ANKRD7: variants seen among roughly 807,000 people sequenced by gnomAD.
The protein encoded by ANKRD7 is ankyrin repeat domain 7.
A neutral mutation model predicts 30.8 loss-of-function variants in ANKRD7; 30 were observed. The observed-to-expected ratio is 0.97, with a 90% CI of 0.73 to 1.32. The LOEUF is 1.32. Ranked by LOEUF, ANKRD7 falls within the 40% of genes most tolerant of loss-of-function variation. The pLI is 0.00. For missense variants in ANKRD7, 264 were observed against 295.7 expected, an observed-to-expected ratio of 0.89 and a Z score of 0.79; for synonymous variants, 97 against 106.6, an observed-to-expected ratio of 0.91 and a Z score of 0.55.
chr7:118,237,090 A>T (rs922528804), intron 5 of ANKRD7, among the ~76,000 whole-genome samples, 164 bp downstream of exon 5: 2 of 152,198 alleles, frequency 1.3e-5, no homozygotes, highest in African/African-American at 4.8e-5. Context: ...TTCAATCAAT[A>T]TAAGGGCTAC....
At chr7:118,235,364 G>A (rs893788739) in intron 3 of ANKRD7, among the ~76,000 whole-genome samples, 4 of 152,114 alleles carry the variant, frequency 2.6e-5, no homozygotes, top group East Asian at 1.9e-4. Context: ...TGTAATCCCA[G>A]CACTTTGGGA....
intron 6 of ANKRD7, among the ~76,000 whole-genome samples, chr7:118,241,519 ACCTTTTTTTTTTTTT>A (rs1809843303): frequency 1.3e-5 from 1 of 76,902 alleles, no homozygotes; most frequent in Non-Finnish European, 2.9e-5. Context: ...TCTCTGAATT[ACCTTTTTTTTTTTTT>A]TTTTTTTTTT....
intron 3 of ANKRD7, among the ~76,000 whole-genome samples, chr7:118,235,636 G>T (rs200369391): frequency 1.4e-5 from 2 of 145,488 alleles, no homozygotes; most frequent in Non-Finnish European, 3.0e-5. Context: ...AAAAAAAAGC[G>T]TATTGATACT....
intron 4 of ANKRD7, 49 bp downstream of exon 4, chr7:118,236,196 T>TTGTGTGTGTGAG: frequency 3.0e-6 from 3 of 993,518 alleles, no homozygotes; most frequent in East Asian, 2.8e-5. Context: ...CCTGATAGGA[T>TTGTGTGTGTGAG]TGTGTGTGTG....
chr7:118,242,294 A>T (rs1223600730), intron 6 of ANKRD7, 55 bp from the exon 7 acceptor site: 1 of 152,230 alleles, frequency 6.6e-6, no homozygotes, highest in Non-Finnish European at 1.5e-5. Flanking sequence ...ATACATGTAG[A>T]AATGGAAATA....
chr7:118,235,014 T>A, intron 3 of ANKRD7, 140 bp downstream of exon 3: 1 of 674,934 alleles, frequency 1.5e-6, no homozygotes, highest in Non-Finnish European at 2.3e-6. Context: ...AGAGAAGAGA[T>A]TATCAAAAAC....
chr7:118,230,612 A>G (rs1584722583), intron 1 of ANKRD7, among the ~76,000 whole-genome samples: 1 of 151,456 alleles, frequency 6.6e-6, no homozygotes, highest in Non-Finnish European at 1.5e-5. Flanking sequence ...AAAAATCTCA[A>G]ATTGTATATT....
At chr7:118,228,305 C>T (rs1394310211) in intron 1 of ANKRD7, among the ~76,000 whole-genome samples, 2 of 152,112 alleles carry the variant, frequency 1.3e-5, no homozygotes, top group African/African-American at 4.8e-5. Context: ...TGCCTTCCAA[C>T]TTTTAATCTC....
intron 3 of ANKRD7, among the ~76,000 whole-genome samples, chr7:118,235,341 G>A (rs1468968303): frequency 2.0e-5 from 3 of 152,118 alleles, no homozygotes; most frequent in Admixed American, 1.3e-4. Flanking sequence ...AGCCGGGCAT[G>A]GTGGCTCACG....
intron 1 of ANKRD7, among the ~76,000 whole-genome samples, chr7:118,226,527 A>G (rs1385823923): frequency 6.6e-6 from 1 of 152,210 alleles, no homozygotes; most frequent in Non-Finnish European, 1.5e-5. Flanking sequence ...AAGTTAGCAA[A>G]AGAAAAAAAT....
At position 118,234,864 on chromosome 7, in the gene ANKRD7, C is replaced by G. The variant is rs765676040; in HGVS notation, c.458C>G (p.Ala153Gly). The G allele has an allele frequency of 1.3e-6, 2 of 1,588,512 alleles. No homozygotes were observed. The highest frequency in any genetic ancestry group is 1.4e-5 in the African/African-American group (1 of 73,080). ...KLLEYEADLE[A>G]KNKDGYTPLL... is the part of the protein sequence containing the mutation. ...CTTGAATACGAAGCTGATCTTGAAG[C>G]GAAAAATAAGGTAGTTTTCTATTAA... The change falls in exon 3 of 7, where the codon GCG becomes GGG. Residue 153 changes from alanine (A) to glycine (G), a missense_variant. Physicochemically the swap from Ala to Gly is moderately conservative, Grantham distance 60. Transcript: ENST00000265224.
At chr7:118,238,328 G>C (rs909246781) in intron 5 of ANKRD7, among the ~76,000 whole-genome samples, 1 of 151,714 alleles carries the variant, frequency 6.6e-6, no homozygotes, top group African/African-American at 2.4e-5. Context: ...AAAGAGGTGA[G>C]AGGGAAGAAA....
chr7:118,239,900 C>T lies in ANKRD7; in HGVS notation c.713-9C>T. The T allele has an allele frequency of 6.4e-7, 1 of 1,572,556 alleles. No homozygotes were observed. Among genetic ancestry groups the T allele is most frequent in the Non-Finnish European group, 8.7e-7 (1 of 1,149,844 alleles). On this transcript the variant is annotated splice_polypyrimidine_tract_variant and intron_variant, in intron 5 of 6. Transcript: ENST00000265224. ...GCATGCTGGCATTCACACGTAATTT[C>T]CTTTATAGATAGATACCCACAATTC...
At chr7:118,228,919 G>A (rs900096722) in intron 1 of ANKRD7, among the ~76,000 whole-genome samples, 3 of 152,146 alleles carry the variant, frequency 2.0e-5, no homozygotes, top group African/African-American at 7.2e-5. Context: ...CCTGTGTAAT[G>A]TATGTCAAAT....
intron 5 of ANKRD7, among the ~76,000 whole-genome samples, chr7:118,239,043 C>T (rs763966575): frequency 6.6e-6 from 1 of 152,112 alleles, no homozygotes; most frequent in African/African-American, 2.4e-5. Flanking sequence ...CACAGGGGTG[C>T]TCATGCTCAG....
At chr7:118,230,171 C>A (rs1392457632) in intron 1 of ANKRD7, among the ~76,000 whole-genome samples, 1 of 151,904 alleles carries the variant, frequency 6.6e-6, no homozygotes, top group Non-Finnish European at 1.5e-5. Context: ...TACTGGAAAT[C>A]CTAGCCAGAA....
intron 6 of ANKRD7, among the ~76,000 whole-genome samples, chr7:118,241,192 T>C (rs919473897): frequency 4.2e-5 from 6 of 142,786 alleles, no homozygotes; most frequent in South Asian, 2.2e-4. Flanking sequence ...AAAAAGAATA[T>C]ATAGTTATTT....
At chr7:118,228,819 AC>A in intron 1 of ANKRD7, among the ~76,000 whole-genome samples, 1 of 152,280 alleles carries the variant, frequency 6.6e-6, no homozygotes, top group South Asian at 2.1e-4. Flanking sequence ...AGTCAAAGCC[AC>A]CATTATGTCT....
intron 1 of ANKRD7, among the ~76,000 whole-genome samples, chr7:118,229,307 T>C (rs1584721783): frequency 1.3e-5 from 2 of 152,166 alleles, no homozygotes; most frequent in East Asian, 3.9e-4. Context: ...CTCACTGACA[T>C]TTCCTACCCT....
Sources: gnomAD v4.1 joint callset for allele counts (sites outside exome capture counted in the v4.1 genomes callset) on GRCh38, gnomAD v4.1.1 for gene constraint, MANE v1.5 for transcripts, NCBI Gene and HGNC (gene_info 2026-07-23, HGNC 2026-07-21) for gene names.